The following TRPC5 variants were observed in gnomAD, a reference collection of about 807,000 sequenced individuals.
The protein encoded by TRPC5 is transient receptor potential cation channel subfamily C member 5.
TRPC5 carries 9 observed loss-of-function variants against 56.5 expected under a neutral mutation model. The ratio of observed to expected loss-of-function variants is 0.16; its 90% confidence interval spans 0.10 to 0.28. The LOEUF is 0.28. Among genes scored for constraint, TRPC5 ranks in the 10% least tolerant of loss-of-function variants. TRPC5 has a pLI of 1.00. For synonymous variants in TRPC5, 282 were observed against 278.5 expected (o/e 1.01, Z -0.13); for missense variants, 469 against 748.9 (o/e 0.63, Z 4.36).
At chrX:111,944,881 A>C (rs1416618022) in intron 2 of TRPC5, among the ~76,000 whole-genome samples, 1 of 111,231 alleles carries the variant, frequency 9.0e-6, no homozygotes, top group Non-Finnish European at 1.9e-5. Context: ...ATACATTCTT[A>C]TCAGACTTCT....
intron 1 of TRPC5, among the ~76,000 whole-genome samples, chrX:112,045,673 A>G (rs187977007): frequency 6.3e-4 from 71 of 111,898 alleles, no homozygotes; most frequent in African/African-American, 1.9e-3. Flanking sequence ...GAGTCCCTCA[A>G]TTGTTGGCCC....
At chrX:111,807,860 A>G (rs761801921) in intron 7 of TRPC5, among the ~76,000 whole-genome samples, 1 of 111,711 alleles carries the variant, frequency 9.0e-6, no homozygotes, top group Admixed American at 9.5e-5. Flanking sequence ...ATGGTCTTTG[A>G]TAAGATCTGG....
chrX:111,796,166 T>A (rs1921084615), intron 7 of TRPC5, among the ~76,000 whole-genome samples: 1 of 112,231 alleles, frequency 8.9e-6, no homozygotes, highest in Non-Finnish European at 1.9e-5. Context: ...TGATTCTTTT[T>A]TTATCACCTC....
At chrX:111,865,574 C>T (rs1923529707) in intron 3 of TRPC5, among the ~76,000 whole-genome samples, 1 of 110,772 alleles carries the variant, frequency 9.0e-6, no homozygotes, top group Non-Finnish European at 1.9e-5. Flanking sequence ...GATCTGCCCA[C>T]CTTGGCCTCC....
chrX:111,959,549 AAGTCCAGT>A (rs1484132705), intron 1 of TRPC5, among the ~76,000 whole-genome samples: 1 of 111,969 alleles, frequency 8.9e-6, no homozygotes, highest in African/African-American at 3.2e-5. Flanking sequence ...TGGCAGAAGC[AAGTCCAGT>A]AGTTACAATT....
At chrX:111,826,375 C>T (rs1421605819) in intron 7 of TRPC5, among the ~76,000 whole-genome samples, 1 of 112,051 alleles carries the variant, frequency 8.9e-6, no homozygotes, top group Non-Finnish European at 1.9e-5. Context: ...AGCAGGTGTT[C>T]ATAGATTCCA....
chrX:111,929,740 C>A (rs985175851), intron 2 of TRPC5, among the ~76,000 whole-genome samples: 4 of 112,282 alleles, frequency 3.6e-5, no homozygotes, highest in African/African-American at 1.3e-4. Context: ...CTCACAGCAT[C>A]CCTGTGGGAT....
chrX:112,022,958 G>A (rs961710352), intron 1 of TRPC5, among the ~76,000 whole-genome samples: 5 of 110,318 alleles, frequency 4.5e-5, no homozygotes, highest in Admixed American at 9.6e-5. Context: ...TTTTTGAGAC[G>A]GAGTCTCGCC....
chrX:112,029,323 C>A (rs977782523), intron 1 of TRPC5, among the ~76,000 whole-genome samples: 4 of 112,165 alleles, frequency 3.6e-5, no homozygotes, highest in Non-Finnish European at 7.5e-5. Context: ...ATGGCAGGAT[C>A]TCATTCTTTT....
intron 1 of TRPC5, among the ~76,000 whole-genome samples, chrX:111,969,038 T>C (rs770468646): frequency 9.7e-6 from 1 of 103,601 alleles, no homozygotes; most frequent in African/African-American, 3.5e-5. Flanking sequence ...ACAAAAAAAA[T>C]AAATAAATAA....
At chrX:111,980,330 G>A (rs1251467514) in intron 1 of TRPC5, among the ~76,000 whole-genome samples, 1 of 111,280 alleles carries the variant, frequency 9.0e-6, no homozygotes, top group Non-Finnish European at 1.9e-5. Flanking sequence ...GGGATGCAGA[G>A]GCATTACAAA....
chrX:111,807,956 C>CTG (rs60688414), intron 7 of TRPC5, among the ~76,000 whole-genome samples: 5,280 of 91,753 alleles, frequency 0.058, 152 homozygotes, highest in Non-Finnish European at 0.069. Context: ...CTCTCTCTCT[C>CTG]TGTGTGTGTG....
intron 3 of TRPC5, among the ~76,000 whole-genome samples, chrX:111,869,087 C>T (rs907242195): frequency 9.0e-6 from 1 of 111,412 alleles, no homozygotes; most frequent in East Asian, 2.8e-4. Context: ...AATGTTCAAG[C>T]ACCTTTCTTC....
chrX:111,998,184 T>A (rs1479576937), intron 1 of TRPC5, among the ~76,000 whole-genome samples: 3 of 112,141 alleles, frequency 2.7e-5, no homozygotes, highest in Non-Finnish European at 5.6e-5. Context: ...GCAGAAATCA[T>A]CCATCTTCTG....
At chrX:111,795,815 T>C (rs1921069918) in intron 7 of TRPC5, among the ~76,000 whole-genome samples, 1 of 111,954 alleles carries the variant, frequency 8.9e-6, no homozygotes. Flanking sequence ...CCATTTATCC[T>C]TTCCTCCTGG....
chrX:111,927,015 T>G, intron 2 of TRPC5, among the ~76,000 whole-genome samples: 1 of 112,204 alleles, frequency 8.9e-6, no homozygotes. Context: ...TGATTAGTAT[T>G]GTGAGGTCTA....
chrX:111,934,480 C>G (rs1926509016), intron 2 of TRPC5, among the ~76,000 whole-genome samples: 1 of 110,994 alleles, frequency 9.0e-6, no homozygotes, highest in Non-Finnish European at 1.9e-5. Flanking sequence ...ACAGACATTC[C>G]AATATACCGT....
chrX:111,956,458 T>C lies in TRPC5; in HGVS notation c.-21-4017A>G, dbSNP rs151211732. Among the ~76,000 whole-genome samples the C allele has an allele frequency of 1.9e-3, 212 of 111,435 alleles. 1 individual carries two copies. Among genetic ancestry groups the C allele is most frequent in the African/African-American group, 6.5e-3 (199 of 30,638 alleles). On this transcript the variant is annotated intron_variant, in intron 1 of 10. Coordinates refer to ENST00000262839, the MANE Select transcript of TRPC5 (RefSeq NM_012471.3). Reference sequence around the variant, plus strand: ...CATTGAATAAATAATTCTTAATATATACCGGGCACTATAATAGAAGCTGAT... The same window carrying C: ...CATTGAATAAATAATTCTTAATATACACCGGGCACTATAATAGAAGCTGAT...
chrX:112,056,520 T>A (rs1227153590), intron 1 of TRPC5, among the ~76,000 whole-genome samples: 1 of 112,378 alleles, frequency 8.9e-6, no homozygotes, highest in Non-Finnish European at 1.9e-5. Flanking sequence ...TCACTTTCCC[T>A]CTCTGAAGCC....
Sources: allele counts gnomAD v4.1 joint callset (sites outside exome capture counted in the v4.1 genomes callset), GRCh38; gene constraint gnomAD v4.1.1; transcripts MANE v1.5; gene names NCBI Gene and HGNC (gene_info 2026-07-23, HGNC 2026-07-21).